Variants in RTL9 observed in about 807,000 individuals in gnomAD.
RTL9 encodes retrotransposon Gag-like protein 9.
A neutral mutation model predicts 44.7 loss-of-function variants in RTL9; 19 were observed. That is an observed-to-expected ratio of 0.42 (90% CI 0.30 to 0.62). The LOEUF (loss-of-function observed/expected upper bound fraction) is 0.62. RTL9 is among the 20% of genes least tolerant of loss of function. The pLI is 0.16. For synonymous variants in RTL9, 407 were observed against 398.9 expected (o/e 1.02, Z -0.24); for missense variants, 1,105 against 1,080.6 (o/e 1.02, Z -0.32).
At chrX:110,423,008 T>C (rs760867718) in intron 1 of RTL9, among the ~76,000 whole-genome samples, 1 of 111,874 alleles carries the variant, frequency 8.9e-6, no homozygotes, top group East Asian at 2.8e-4. Flanking sequence ...CACCCCGTCA[T>C]GTCCTGTACC....
At chrX:110,375,964 C>T (rs764270749) in intron 1 of RTL9, among the ~76,000 whole-genome samples, 1 of 111,359 alleles carries the variant, frequency 9.0e-6, no homozygotes, top group Non-Finnish European at 1.9e-5. Flanking sequence ...TACAGTAATG[C>T]TATGTCCTGT....
At chrX:110,392,471 C>G (rs1286712819) in intron 1 of RTL9, among the ~76,000 whole-genome samples, 4 of 110,763 alleles carry the variant, frequency 3.6e-5, no homozygotes, top group Non-Finnish European at 7.6e-5. Context: ...TTTGTAGAGA[C>G]AAGGCCTTGC....
chrX:110,448,825 G>A (rs2068923052), upstream of RTL9, among the ~76,000 whole-genome samples: 1 of 110,797 alleles, frequency 9.0e-6, no homozygotes, highest in African/African-American at 3.3e-5. Context: ...AAGAGCTAGG[G>A]GCGCAAAGGA....
intron 1 of RTL9, among the ~76,000 whole-genome samples, chrX:110,410,758 T>G (rs921731548): frequency 1.1e-4 from 12 of 111,124 alleles, no homozygotes; most frequent in Non-Finnish European, 1.9e-4. Context: ...TCACCTGTCG[T>G]TTCAAGATAA....
chrX:110,377,520 T>A (rs2068385364), intron 1 of RTL9, among the ~76,000 whole-genome samples: 1 of 112,034 alleles, frequency 8.9e-6, no homozygotes, highest in African/African-American at 3.2e-5. Context: ...TTAATTAACT[T>A]GTAAAAGGCT....
chrX:110,388,019 G>A (rs1393110336), intron 1 of RTL9, among the ~76,000 whole-genome samples: 1 of 109,453 alleles, frequency 9.1e-6, no homozygotes. Context: ...CCGCCATCAC[G>A]CCCAGCTAAT....
chrX:110,452,523 G>A (rs1441380082), exon 1 of RTL9: 3 of 1,211,290 alleles, frequency 2.5e-6, no homozygotes, highest in Non-Finnish European at 3.4e-6. Flanking sequence ...GACAACCACA[G>A]CTTCTGAAGC....
At chrX:110,394,806 G>T (rs1379285913) in intron 1 of RTL9, among the ~76,000 whole-genome samples, 3 of 112,818 alleles carry the variant, frequency 2.7e-5, no homozygotes, top group African/African-American at 9.7e-5. Context: ...TCTGTAAGTT[G>T]CAGCACTAGC....
intron 1 of RTL9, among the ~76,000 whole-genome samples, chrX:110,373,468 T>A (rs2068353489): frequency 8.9e-6 from 1 of 111,777 alleles, no homozygotes. Context: ...CCCACCTCCA[T>A]AACTCAGAGT....
At chrX:110,424,022 G>A (rs2068737295) in intron 1 of RTL9, among the ~76,000 whole-genome samples, 1 of 111,868 alleles carries the variant, frequency 8.9e-6, no homozygotes, top group Non-Finnish European at 1.9e-5. Flanking sequence ...GAGGTGTTGT[G>A]CTATGATATG....
At chrX:110,377,863 G>C (rs2068388329) in intron 1 of RTL9, among the ~76,000 whole-genome samples, 2 of 108,203 alleles carry the variant, frequency 1.8e-5, no homozygotes, top group African/African-American at 6.8e-5. Context: ...CAAAAAATTA[G>C]CCGGGCGTGG....
intron 1 of RTL9, among the ~76,000 whole-genome samples, chrX:110,394,426 T>C (rs889125986): frequency 4.5e-5 from 5 of 111,948 alleles, no homozygotes; most frequent in Non-Finnish European, 9.4e-5. Flanking sequence ...TAAATTTTTG[T>C]ATTTTTAGTA....
intron 1 of RTL9, chrX:110,440,229 AAG>A (rs758538143): frequency 1.4e-4 from 15 of 109,138 alleles, no homozygotes; most frequent in Middle Eastern, 4.7e-3. Context: ...AGCCCAGAGA[AAG>A]AGAGAGAGAG....
intron 1 of RTL9, among the ~76,000 whole-genome samples, chrX:110,409,388 T>A (rs1433234167): frequency 9.0e-6 from 1 of 111,534 alleles, no homozygotes; most frequent in Non-Finnish European, 1.9e-5. Context: ...TGAAGAGAGT[T>A]GTGTTTACAT....
chrX:110,399,656 T>C (rs912536276), intron 1 of RTL9, among the ~76,000 whole-genome samples: 81 of 111,933 alleles, frequency 7.2e-4, no homozygotes, highest in African/African-American at 2.6e-3. Context: ...AAATGATTAA[T>C]ATAATCTCAT....
At chrX:110,400,796 C>T (rs144888581) in intron 1 of RTL9, among the ~76,000 whole-genome samples, 11,997 of 110,794 alleles carry the variant, frequency 0.11, 1,187 homozygotes, top group African/African-American at 0.31. Flanking sequence ...GAATGTGAGC[C>T]CCTTGAGAAC....
At chrX:110,408,572 AC>A (rs2068619076) in intron 1 of RTL9, among the ~76,000 whole-genome samples, 1 of 112,098 alleles carries the variant, frequency 8.9e-6, no homozygotes, top group Non-Finnish European at 1.9e-5. Context: ...CCCTGCCCCG[AC>A]CCCACAGTTT....
intron 1 of RTL9, among the ~76,000 whole-genome samples, chrX:110,367,695 C>G (rs938990501): frequency 9.0e-6 from 1 of 111,367 alleles, no homozygotes; most frequent in East Asian, 2.8e-4. Context: ...TCTCCCACAG[C>G]CTTCTTTATC....
chrX:110,430,309 T>A (rs1464039252), intron 1 of RTL9, among the ~76,000 whole-genome samples: 2 of 112,776 alleles, frequency 1.8e-5, no homozygotes, highest in Non-Finnish European at 3.7e-5. Flanking sequence ...AAAATAATAA[T>A]TACTAACATT....
Sources: gnomAD v4.1 joint callset for allele counts (sites outside exome capture counted in the v4.1 genomes callset) on GRCh38, gnomAD v4.1.1 for gene constraint, MANE v1.5 for transcripts, NCBI Gene and HGNC (gene_info 2026-07-23, HGNC 2026-07-21) for gene names.